SPIDR: variants seen among roughly 807,000 people sequenced by gnomAD.
The protein encoded by SPIDR is scaffold protein involved in DNA repair, also known as DNA repair-scaffolding protein.
Under a neutral mutation model 104.6 loss-of-function variants are expected in SPIDR, and 93 were observed. The ratio of observed to expected loss-of-function variants is 0.89; its 90% CI spans 0.75 to 1.06. SPIDR has a LOEUF of 1.06. Among genes scored for constraint, SPIDR ranks in the 50% least tolerant of loss-of-function variants. The pLI, the probability that SPIDR is intolerant of heterozygous loss-of-function variation, is 0.00. For missense variants in SPIDR, 1,154 were observed against 1,111.2 expected (o/e 1.04, Z -0.55); for synonymous variants, 431 against 416.9 (o/e 1.03, Z -0.41).
intron 8 of SPIDR, among the ~76,000 whole-genome samples, chr8:47,523,189 G>C (rs974312002): frequency 1.3e-5 from 2 of 151,740 alleles, no homozygotes; most frequent in Admixed American, 1.3e-4. Flanking sequence ...TATTTCTTTT[G>C]GAATTTGAAC....
At chr8:47,560,990 T>G (rs2056996417) in intron 8 of SPIDR, among the ~76,000 whole-genome samples, 1 of 152,206 alleles carries the variant, frequency 6.6e-6, no homozygotes, top group East Asian at 1.9e-4. Flanking sequence ...CCTAGCTTCT[T>G]CATTCCAGTT....
intron 8 of SPIDR, among the ~76,000 whole-genome samples, chr8:47,464,673 G>T: frequency 6.6e-6 from 1 of 152,016 alleles, no homozygotes; most frequent in East Asian, 1.9e-4. Context: ...GTCCTGTCCT[G>T]TCCTGTCCTG....
At chr8:47,344,041 C>T (rs1308150443) in intron 5 of SPIDR, among the ~76,000 whole-genome samples, 2 of 151,606 alleles carry the variant, frequency 1.3e-5, no homozygotes, top group Admixed American at 6.6e-5. Context: ...CATGTGTATA[C>T]ATGTGCCATG....
At chr8:47,586,410 T>C (rs1797196089) in intron 8 of SPIDR, among the ~76,000 whole-genome samples, 1 of 152,220 alleles carries the variant, frequency 6.6e-6, no homozygotes, top group Non-Finnish European at 1.5e-5. Flanking sequence ...TTGCCAGCAT[T>C]CAATGTTGAT....
intron 8 of SPIDR, among the ~76,000 whole-genome samples, chr8:47,542,995 A>G (rs1242844099): frequency 6.6e-6 from 1 of 152,192 alleles, no homozygotes; most frequent in Non-Finnish European, 1.5e-5. Context: ...CTGGAGATTC[A>G]TCCCAGTTGT....
At chr8:47,326,096 G>GTGA (rs2154265320) in intron 5 of SPIDR, among the ~76,000 whole-genome samples, 1 of 152,254 alleles carries the variant, frequency 6.6e-6, no homozygotes, top group Admixed American at 6.5e-5. Flanking sequence ...CCAGTCTCAG[G>GTGA]TGATCCTCCC....
At chr8:47,455,617 C>T (rs2072810241) in intron 8 of SPIDR, among the ~76,000 whole-genome samples, 1 of 151,882 alleles carries the variant, frequency 6.6e-6, no homozygotes, top group South Asian at 2.1e-4. Flanking sequence ...CACCTATAAG[C>T]CATCTACAAG....
intron 8 of SPIDR, among the ~76,000 whole-genome samples, chr8:47,514,382 C>T (rs2082805333): frequency 6.6e-6 from 1 of 152,212 alleles, no homozygotes; most frequent in South Asian, 2.1e-4. Flanking sequence ...CATGCACTCA[C>T]TGCTCTGTGT....
At chr8:47,537,802 A>G (rs1331021227) in intron 8 of SPIDR, among the ~76,000 whole-genome samples, 1 of 152,166 alleles carries the variant, frequency 6.6e-6, no homozygotes, top group Non-Finnish European at 1.5e-5. Flanking sequence ...GAGAGGGTAT[A>G]TGGGAACTCT....
chr8:47,522,345 A>G (rs2084297027), intron 8 of SPIDR, among the ~76,000 whole-genome samples: 1 of 152,118 alleles, frequency 6.6e-6, no homozygotes. Context: ...TGTATTTTGT[A>G]TTTACCCACA....
intron 16 of SPIDR, among the ~76,000 whole-genome samples, chr8:47,723,512 C>T (rs573840831): frequency 3.3e-5 from 5 of 150,966 alleles, no homozygotes; most frequent in African/African-American, 1.2e-4. Flanking sequence ...TCACTGCAAG[C>T]TCCGCCTCCC....
At chr8:47,636,018 G>A (rs985686469) in intron 10 of SPIDR, among the ~76,000 whole-genome samples, 1 of 152,204 alleles carries the variant, frequency 6.6e-6, no homozygotes, top group African/African-American at 2.4e-5. Context: ...ACTGCACTTT[G>A]CAGATAGAGC....
chr8:47,365,893 C>G (rs1298093156), intron 5 of SPIDR, among the ~76,000 whole-genome samples: 1 of 151,942 alleles, frequency 6.6e-6, no homozygotes, highest in Non-Finnish European at 1.5e-5. Flanking sequence ...AAAAGAAAAG[C>G]AAAATGCATT....
intron 19 of SPIDR, among the ~76,000 whole-genome samples, chr8:47,731,033 G>A (rs1478870345): frequency 1.3e-5 from 2 of 152,072 alleles, no homozygotes; most frequent in East Asian, 1.9e-4. Context: ...CGAGGCGGGC[G>A]GATCACCTGA....
At chr8:47,505,214 T>G (rs2081280156) in intron 8 of SPIDR, among the ~76,000 whole-genome samples, 1 of 152,178 alleles carries the variant, frequency 6.6e-6, no homozygotes, top group Admixed American at 6.5e-5. Context: ...TGTTTGGCTA[T>G]GTCCTGCCCC....
rs1022108666 is a variant in SPIDR, at chr8:47,547,000, T to A, written c.1098-48811T>A. ...TCAAAAGATCAAGGGTGCCTCTCTCTGTGGGTAATGACACCAGTTCTTCCC... is the reference window on the plus strand; with the variant it reads ...TCAAAAGATCAAGGGTGCCTCTCTCAGTGGGTAATGACACCAGTTCTTCCC... On this transcript the variant is annotated intron_variant, in intron 8 of 19. Transcript: ENST00000297423. 12 of 508,848 alleles carry A rather than the reference T, an allele frequency of 2.4e-5. 1 individual carries two copies. The highest frequency in any genetic ancestry group is 2.2e-4 in the African/African-American group (11 of 50,720). 31.5% of individuals were successfully genotyped at this position (508,848 alleles called of 1,614,324 possible). A position where few individuals can be genotyped will look rare whatever the true frequency, so the allele number is the denominator to read the frequency against.
intron 6 of SPIDR, among the ~76,000 whole-genome samples, chr8:47,407,385 T>C (rs1326276615): frequency 1.3e-5 from 2 of 152,210 alleles, no homozygotes; most frequent in Admixed American, 6.5e-5. Context: ...TGACTGGAAC[T>C]CTGAGCCCAC....
chr8:47,283,399 C>A (rs1044318722), intron 2 of SPIDR, among the ~76,000 whole-genome samples: 1 of 152,244 alleles, frequency 6.6e-6, no homozygotes, highest in Admixed American at 6.5e-5. Flanking sequence ...AAATCAGTTA[C>A]AGTAGTAATA....
chr8:47,280,126 C>T, intron 2 of SPIDR, 109 bp downstream of exon 2: 1 of 1,124,310 alleles, frequency 8.9e-7, no homozygotes, highest in Non-Finnish European at 1.3e-6. Context: ...TCTTTCAGAA[C>T]ACTGTAACTG....
Sources: gnomAD v4.1 joint callset for allele counts (sites outside exome capture counted in the v4.1 genomes callset) on GRCh38, gnomAD v4.1.1 for gene constraint, MANE v1.5 for transcripts, NCBI Gene and HGNC (gene_info 2026-07-23, HGNC 2026-07-21) for gene names.